Variants in NAALADL2 observed in about 807,000 individuals in gnomAD.
The protein encoded by NAALADL2 is inactive N-acetylated-alpha-linked acidic dipeptidase-like protein 2.
A neutral mutation model predicts 87.2 loss-of-function variants in NAALADL2; 76 were observed. The observed-to-expected ratio is 0.87, with a 90% CI of 0.72 to 1.05. The LOEUF is 1.05. Ranked by LOEUF, NAALADL2 falls within the 50% of genes least tolerant of loss-of-function variation. NAALADL2 has a pLI of 0.00. For missense variants in NAALADL2, 1,089 were observed against 945.8 expected (o/e 1.15, Z -1.99); for synonymous variants, 354 against 331.0 (o/e 1.07, Z -0.75).
At chr3:175,196,903 G>T (rs1422674210) in intron 2 of NAALADL2, among the ~76,000 whole-genome samples, 1 of 151,804 alleles carries the variant, frequency 6.6e-6, no homozygotes, top group African/African-American at 2.4e-5. Context: ...TATTTTCCCT[G>T]CTTCTTGGTA....
chr3:174,788,716 A>C (rs1717106592), intron 3 of NAALADL2, among the ~76,000 whole-genome samples: 1 of 152,120 alleles, frequency 6.6e-6, no homozygotes, highest in Non-Finnish European at 1.5e-5. Context: ...CCATAATAGG[A>C]TTGGAATAAG....
intron 10 of NAALADL2, among the ~76,000 whole-genome samples, chr3:175,626,725 C>A (rs191805032): frequency 9.5e-4 from 145 of 151,956 alleles, no homozygotes; most frequent in Non-Finnish European, 1.5e-3. Context: ...ACAATTCCAT[C>A]TATAACATCT....
At chr3:175,506,072 CT>C (rs1407023456) in intron 9 of NAALADL2, among the ~76,000 whole-genome samples, 1 of 152,088 alleles carries the variant, frequency 6.6e-6, no homozygotes, top group African/African-American at 2.4e-5. Flanking sequence ...CCATCATTAC[CT>C]TTTTCTGATA....
At chr3:175,654,296 A>G (rs945440210) in intron 11 of NAALADL2, among the ~76,000 whole-genome samples, 1 of 152,126 alleles carries the variant, frequency 6.6e-6, no homozygotes, top group Non-Finnish European at 1.5e-5. Flanking sequence ...TCAAGCAGGT[A>G]GCTTTTCTTC....
At chr3:175,635,282 A>T (rs1311087142) in intron 11 of NAALADL2, among the ~76,000 whole-genome samples, 1 of 152,072 alleles carries the variant, frequency 6.6e-6, no homozygotes, top group African/African-American at 2.4e-5. Context: ...GATTGTCAAA[A>T]TTTGACTCAA....
chr3:175,415,870 T>A (rs1714540248), intron 5 of NAALADL2, among the ~76,000 whole-genome samples: 2 of 151,248 alleles, frequency 1.3e-5, no homozygotes, highest in Non-Finnish European at 2.9e-5. Flanking sequence ...TTCCAGCAAT[T>A]TGGGAAGCCA....
At chr3:174,777,263 T>C (rs181065242) in intron 3 of NAALADL2, among the ~76,000 whole-genome samples, 1 of 152,126 alleles carries the variant, frequency 6.6e-6, no homozygotes, top group African/African-American at 2.4e-5. Context: ...AATTAAAATG[T>C]AGGTAATGTG....
At chr3:174,934,098 A>G (rs950443600) in intron 1 of NAALADL2, among the ~76,000 whole-genome samples, 5 of 152,172 alleles carry the variant, frequency 3.3e-5, no homozygotes, top group Non-Finnish European at 7.3e-5. Flanking sequence ...AGTTTGGAAC[A>G]ATGAAGGATT....
chr3:175,022,541 A>G (rs979592401), intron 1 of NAALADL2, among the ~76,000 whole-genome samples: 56 of 152,074 alleles, frequency 3.7e-4, no homozygotes, highest in African/African-American at 1.2e-3. Flanking sequence ...AGAGAATGGT[A>G]CAATTAAAGG....
chr3:174,750,674 T>C (rs955147992), intron 3 of NAALADL2, among the ~76,000 whole-genome samples: 2 of 152,140 alleles, frequency 1.3e-5, no homozygotes, highest in African/African-American at 4.8e-5. Flanking sequence ...CCTCTGGTGA[T>C]CCACCCGTCT....
At chr3:175,042,162 C>T (rs1396212044) in intron 1 of NAALADL2, among the ~76,000 whole-genome samples, 1 of 152,128 alleles carries the variant, frequency 6.6e-6, no homozygotes, top group East Asian at 1.9e-4. Flanking sequence ...TATGTGCGAT[C>T]ATATGATAGT....
intron 2 of NAALADL2, among the ~76,000 whole-genome samples, chr3:174,601,658 C>T (rs1006168614): frequency 6.6e-6 from 1 of 152,032 alleles, no homozygotes; most frequent in African/African-American, 2.4e-5. Flanking sequence ...GATGTGATCC[C>T]ATTTGTCCAT....
chr3:175,224,451 T>C (rs1743864720), intron 2 of NAALADL2, among the ~76,000 whole-genome samples: 1 of 152,138 alleles, frequency 6.6e-6, no homozygotes, highest in South Asian at 2.1e-4. Flanking sequence ...TAGAATGTGT[T>C]AATATGTATA....
intron 2 of NAALADL2, among the ~76,000 whole-genome samples, chr3:175,111,523 G>T (rs1724186603): frequency 6.6e-6 from 1 of 151,688 alleles, no homozygotes; most frequent in Admixed American, 6.6e-5. Context: ...TGGTAACCTA[G>T]ATATCAACTT....
intron 9 of NAALADL2, among the ~76,000 whole-genome samples, chr3:175,553,768 ATATT>A: frequency 6.6e-6 from 1 of 151,906 alleles, no homozygotes; most frequent in Non-Finnish European, 1.5e-5. Flanking sequence ...ATTTTTAAAT[ATATT>A]TATTTTTTCT....
chr3:174,562,074 A>C (rs1322404340), intron 2 of NAALADL2, among the ~76,000 whole-genome samples: 1 of 152,188 alleles, frequency 6.6e-6, no homozygotes, highest in Non-Finnish European at 1.5e-5. Context: ...CATTTTAGTG[A>C]ATACAGAAAT....
chr3:174,832,667 C>T (rs917151431), intron 3 of NAALADL2, among the ~76,000 whole-genome samples: 15 of 152,046 alleles, frequency 9.9e-5, no homozygotes, highest in Non-Finnish European at 1.2e-4. Context: ...AGGGTTTCAC[C>T]GTGTTAGCCA....
intron 9 of NAALADL2, among the ~76,000 whole-genome samples, chr3:175,547,116 T>A (rs1047596411): frequency 4.6e-5 from 7 of 152,052 alleles, no homozygotes; most frequent in African/African-American, 1.4e-4. Flanking sequence ...GCCAAGGCAA[T>A]CCTCAGCAAA....
intron 1 of NAALADL2, among the ~76,000 whole-genome samples, chr3:175,070,758 T>C (rs1224725333): frequency 6.6e-6 from 1 of 152,072 alleles, no homozygotes; most frequent in Non-Finnish European, 1.5e-5. Context: ...TTTGGATGAA[T>C]TTAGTACCAT....
Sources: allele counts gnomAD v4.1 joint callset (sites outside exome capture counted in the v4.1 genomes callset), GRCh38; gene constraint gnomAD v4.1.1; transcripts MANE v1.5; gene names NCBI Gene and HGNC (gene_info 2026-07-23, HGNC 2026-07-21).